P4HA1: variants seen among roughly 807,000 people sequenced by gnomAD.
P4HA1 encodes prolyl 4-hydroxylase subunit alpha-1.
Under a neutral mutation model 72.8 loss-of-function variants are expected in P4HA1, and 24 were observed. The observed-to-expected ratio is 0.33, with a 90% confidence interval of 0.24 to 0.46. P4HA1 has a LOEUF of 0.46. P4HA1 is among the 20% of genes least tolerant of loss of function. The pLI, the probability that P4HA1 is intolerant of heterozygous loss-of-function variation, is 1.00. For missense variants in P4HA1, 446 were observed against 640.6 expected (o/e 0.70, Z 3.28); for synonymous variants, 201 against 218.8 (o/e 0.92, Z 0.72).
chr10:73,065,832 T>A (rs1220790215), intron 5 of P4HA1, among the ~76,000 whole-genome samples: 5 of 152,122 alleles, frequency 3.3e-5, no homozygotes, highest in African/African-American at 1.2e-4. Flanking sequence ...AAAATCTAAA[T>A]GTACATCCAT....
Position 73,092,341 on chromosome 10 carries a change from C to CT in P4HA1, c.-33+4424dup, listed in dbSNP as rs1842049602. Among the ~76,000 whole-genome samples, 5 of 134,350 alleles carry CT rather than the reference C, an allele frequency of 3.7e-5. No individual in the cohort carries two copies. The East Asian group carries it at 6.3e-4, about 17-fold the overall frequency. 88.1% of individuals were successfully genotyped at this position (134,350 alleles called of 152,430 possible). A position where few individuals can be genotyped will look rare whatever the true frequency, so the allele number is the denominator to read the frequency against. On this transcript the variant is annotated intron_variant, in intron 1 of 14. Transcript: ENST00000394890. The stretch of plus-strand genomic sequence containing the variant: ...GCCATATTGTAAATAATTTTTTTTT[C>CT]TTTTCTTTTTTTTTTTTTTTTTTTT...
intron 9 of P4HA1, among the ~76,000 whole-genome samples, chr10:73,035,367 T>C (rs1840545561): frequency 6.6e-6 from 1 of 151,976 alleles, no homozygotes; most frequent in South Asian, 2.1e-4. Context: ...AAAATTAAAA[T>C]AAATTAATGA....
chr10:73,046,445 A>C (rs1004217774), intron 8 of P4HA1, among the ~76,000 whole-genome samples: 1 of 152,196 alleles, frequency 6.6e-6, no homozygotes, highest in African/African-American at 2.4e-5. Flanking sequence ...CTGTGGGTTA[A>C]AGTCAGAAAA....
chr10:73,084,467 A>T (rs1460775184), intron 1 of P4HA1, among the ~76,000 whole-genome samples: 1 of 151,976 alleles, frequency 6.6e-6, no homozygotes, highest in East Asian at 1.9e-4. Context: ...CCAATTTTTT[A>T]AATTTCTTTT....
intron 6 of P4HA1, among the ~76,000 whole-genome samples, chr10:73,051,921 G>A (rs531826678): frequency 6.6e-6 from 1 of 152,232 alleles, no homozygotes; most frequent in South Asian, 2.1e-4. Flanking sequence ...AAATGAAAAA[G>A]ATTTTTCCAA....
intron 5 of P4HA1, among the ~76,000 whole-genome samples, chr10:73,058,595 C>T (rs572977921): frequency 1.3e-5 from 2 of 152,154 alleles, no homozygotes; most frequent in Admixed American, 1.3e-4. Flanking sequence ...GCTTCCATCT[C>T]TAAGTTTCCC....
At chr10:73,052,317 T>G (rs2133098855) in intron 6 of P4HA1, among the ~76,000 whole-genome samples, 1 of 152,326 alleles carries the variant, frequency 6.6e-6, no homozygotes. Context: ...AAATATTTCT[T>G]GTCCTTCAGA....
chr10:73,011,642 C>G (rs967653757), intron 12 of P4HA1, among the ~76,000 whole-genome samples: 1 of 151,692 alleles, frequency 6.6e-6, no homozygotes, highest in Non-Finnish European at 1.5e-5. Flanking sequence ...TTAAATTAAC[C>G]AAAGAATCAC....
chr10:73,008,320 T>C (rs1839837327), intron 14 of P4HA1, 28 bp from the exon 15 acceptor site: 2 of 1,362,524 alleles, frequency 1.5e-6, no homozygotes, highest in South Asian at 2.4e-5. Flanking sequence ...TATATTAATT[T>C]TCCCCCTTAA....
At chr10:73,078,221 A>G (rs1841745818) in intron 1 of P4HA1, among the ~76,000 whole-genome samples, 1 of 152,182 alleles carries the variant, frequency 6.6e-6, no homozygotes, top group South Asian at 2.1e-4. Flanking sequence ...AAAAAGGAAA[A>G]GTAGTTAGCT....
intron 5 of P4HA1, among the ~76,000 whole-genome samples, chr10:73,055,482 G>T (rs1033112006): frequency 6.6e-5 from 10 of 152,224 alleles, no homozygotes; most frequent in African/African-American, 2.4e-4. Flanking sequence ...GGGATTACAG[G>T]TGTGAGCCAC....
chr10:73,018,403 T>C (rs1012366697), intron 10 of P4HA1, among the ~76,000 whole-genome samples: 1 of 152,136 alleles, frequency 6.6e-6, no homozygotes, highest in Non-Finnish European at 1.5e-5. Context: ...GCAGGGCAAA[T>C]AACTCTAGTA....
At chr10:73,086,684 G>A (rs957130280) in intron 1 of P4HA1, among the ~76,000 whole-genome samples, 5 of 152,248 alleles carry the variant, frequency 3.3e-5, no homozygotes, top group Middle Eastern at 3.4e-3. Flanking sequence ...TGTAATCCCG[G>A]CACTTTGGGA....
At chr10:73,089,088 T>A (rs1163725445) in intron 1 of P4HA1, among the ~76,000 whole-genome samples, 4 of 152,232 alleles carry the variant, frequency 2.6e-5, no homozygotes, top group African/African-American at 9.6e-5. Flanking sequence ...AGAGTAGGTA[T>A]CTTAATACTG....
intron 5 of P4HA1, among the ~76,000 whole-genome samples, chr10:73,062,064 T>C (rs1030184455): frequency 6.6e-6 from 1 of 152,172 alleles, no homozygotes; most frequent in African/African-American, 2.4e-5. Context: ...GATATGCATG[T>C]TGAATTATTT....
At chr10:73,045,478 T>C (rs1840835661) in intron 8 of P4HA1, among the ~76,000 whole-genome samples, 1 of 152,078 alleles carries the variant, frequency 6.6e-6, no homozygotes, top group African/African-American at 2.4e-5. Context: ...TTTTTTTTAG[T>C]GATGGAACTG....
intron 10 of P4HA1, among the ~76,000 whole-genome samples, chr10:73,020,547 T>C (rs1338071083): frequency 6.6e-6 from 1 of 152,186 alleles, no homozygotes; most frequent in African/African-American, 2.4e-5. Context: ...TGAGAACGAA[T>C]CTTTCCTTAA....
chr10:73,058,033 T>G (rs1397976528), intron 5 of P4HA1, among the ~76,000 whole-genome samples: 1 of 124,154 alleles, frequency 8.1e-6, no homozygotes, highest in Non-Finnish European at 1.6e-5. Flanking sequence ...GAGGTTGCAG[T>G]GGGCCAAGAT....
At position 73,093,842 on chromosome 10, in the gene P4HA1, C is replaced by CAAA. The variant is rs1157986784; in HGVS notation, c.-33+2921_-33+2923dup. Among the ~76,000 whole-genome samples the CAAA allele has an allele frequency of 3.3e-3, 46 of 14,012 alleles. 13 individuals carry two copies. Among genetic ancestry groups the CAAA allele is most frequent in the East Asian group, 7.8e-3 (2 of 256 alleles). 9.2% of individuals were successfully genotyped at this position (14,012 alleles called of 152,430 possible). On this transcript the variant is annotated intron_variant, in intron 1 of 14. Coordinates refer to ENST00000394890, the MANE Select transcript of P4HA1 (RefSeq NM_001017962.3). ...TGGGTGGCAGAGTGAAACTCCATCT[C>CAAA]AAAAAAAAAAAAAAAAAAAAAAAAA...
Sources: allele counts gnomAD v4.1 joint callset (sites outside exome capture counted in the v4.1 genomes callset), GRCh38; gene constraint gnomAD v4.1.1; transcripts MANE v1.5; gene names NCBI Gene and HGNC (gene_info 2026-07-23, HGNC 2026-07-21).